Variants in KLHDC1 observed in about 807,000 individuals in gnomAD.
KLHDC1 encodes kelch domain-containing protein 1.
A neutral mutation model predicts 68.3 loss-of-function variants in KLHDC1; 53 were observed. The ratio of observed to expected loss-of-function variants is 0.78; its 90% CI spans 0.62 to 0.98. KLHDC1 has a LOEUF of 0.98. Ranked by LOEUF, KLHDC1 falls within the 50% of genes least tolerant of loss-of-function variation. KLHDC1 has a pLI of 0.00. For missense variants in KLHDC1, 470 were observed against 492.3 expected (o/e 0.95, Z 0.43); for synonymous variants, 148 against 159.0 (o/e 0.93, Z 0.52).
chr14:49,734,571 A>G lies in KLHDC1; in HGVS notation c.824-18A>G. ...CCAGAGACCTAATCTTAATTTCTGA[A>G]CTGTCATGATATTGCAGGTGATGGT... is the stretch of plus-strand genomic sequence containing the variant. On this transcript the variant is annotated intron_variant, in intron 9 of 12. Transcript: ENST00000359332. 3 of 1,485,020 alleles carry G rather than the reference A, an allele frequency of 2.0e-6. No homozygotes were observed. Among genetic ancestry groups the G allele is most frequent in the South Asian group, 2.6e-5 (2 of 77,572 alleles). The allele number at this position is 1,485,020 out of a possible 1,614,324, so 92.0% of individuals were successfully genotyped here. A position where few individuals can be genotyped will look rare whatever the true frequency, so the allele number is the denominator to read the frequency against.
chr14:49,743,747 G>C lies in KLHDC1; in HGVS notation c.982-6G>C. On this transcript the variant is annotated splice_region_variant and splice_polypyrimidine_tract_variant and intron_variant, in intron 11 of 12. Transcript: ENST00000359332. ...AACTTAATAATGCCTTTTTTGTGTTGATTAGGGTCACTGTAATGATTTATT... is the reference window on the plus strand; with the variant it reads ...AACTTAATAATGCCTTTTTTGTGTTCATTAGGGTCACTGTAATGATTTATT... 6.4e-7 allele frequency: 1 copy of C among 1,569,924 alleles called. No individual in the cohort carries two copies. The highest frequency in any genetic ancestry group is 8.7e-7 in the Non-Finnish European group (1 of 1,147,990).
Position 49,715,368 on chromosome 14 carries a change from G to A in KLHDC1, c.404+4987G>A, listed in dbSNP as rs373994478. Among the ~76,000 whole-genome samples, 18 of 151,552 alleles carry A rather than the reference G, an allele frequency of 1.2e-4. No individual in the cohort carries two copies. The East Asian group carries it at 1.6e-3, about 13-fold the overall frequency. On this transcript the variant is annotated intron_variant, in intron 4 of 12. Transcript: ENST00000359332. ...GATCTCTTGACCTCATGATCTGACC[G>A]CCTCAGCCTCCCAAAGTGCTGGGAT...
intron 1 of KLHDC1, chr14:49,708,671 G>C (rs1434111374): frequency 2.0e-5 from 3 of 153,268 alleles, no homozygotes. Context: ...CTTGCATATA[G>C]TAGGCACTCA....
chr14:49,703,766 A>C (rs185222152), intron 1 of KLHDC1, among the ~76,000 whole-genome samples: 86 of 152,308 alleles, frequency 5.6e-4, no homozygotes, highest in African/African-American at 1.9e-3. Flanking sequence ...CCAGTTGTTA[A>C]ATAATTTGAA....
At chr14:49,703,988 AT>A (rs1222619881) in intron 1 of KLHDC1, among the ~76,000 whole-genome samples, 4 of 152,224 alleles carry the variant, frequency 2.6e-5, no homozygotes, top group Non-Finnish European at 5.9e-5. Flanking sequence ...GAAATGTTGG[AT>A]CACTTGATAT....
chr14:49,751,607 T>G lies in KLHDC1; in HGVS notation c.1056T>G (p.Gly352=), dbSNP rs1437769735. The G allele has an allele frequency of 1.9e-6, 3 of 1,570,172 alleles. No individual in the cohort carries two copies. Among genetic ancestry groups the G allele is most frequent in the African/African-American group, 2.7e-5 (2 of 73,368 alleles). Reference sequence around the variant, plus strand: ...ACAGGTCATGCCTTGACTGCATTGGTAAAAATTCTATCATGTTAGAAAGTC... The same window carrying G: ...ACAGGTCATGCCTTGACTGCATTGGGAAAAATTCTATCATGTTAGAAAGTC... ...SLLRSCLDCI[G]KNSIMLESQI... is the part of the protein sequence containing the mutation. The change falls in exon 13 of 13, where the codon GGT becomes GGG. Residue 352 remains glycine, a synonymous_variant. Coordinates refer to ENST00000359332, the MANE Select transcript of KLHDC1 (RefSeq NM_172193.3).
chr14:49,751,723 T>A lies in KLHDC1; in HGVS notation c.1172T>A (p.Val391Asp). 1 of 1,598,290 alleles carries A rather than the reference T, an allele frequency of 6.3e-7. No individual in the cohort carries two copies. Among genetic ancestry groups the A allele is most frequent in the African/African-American group, 1.4e-5 (1 of 74,002 alleles). ...AAANHREEQRVQKEETENKYQ... is the reference protein window; with the variant it reads ...AAANHREEQRDQKEETENKYQ... ...GCTAATCACCGAGAAGAACAAAGAG[T>A]CCAAAAAGAAGAAACAGAAAATAAA... The change falls in exon 13 of 13, where the codon GTC (valine) becomes GAC (aspartate). Residue 391 changes from valine to aspartate, a missense_variant. Physicochemically the swap from Val to Asp is radical, Grantham distance 152. Coordinates refer to ENST00000359332, the MANE Select transcript of KLHDC1 (RefSeq NM_172193.3).
chr14:49,703,201 G>T (rs1887955409), intron 1 of KLHDC1, among the ~76,000 whole-genome samples: 2 of 151,856 alleles, frequency 1.3e-5, no homozygotes, highest in Non-Finnish European at 2.9e-5. Context: ...CTTTTATCCT[G>T]CATTGATTAC....
At chr14:49,698,872 G>A (rs1298384933) in intron 1 of KLHDC1, among the ~76,000 whole-genome samples, 1 of 151,122 alleles carries the variant, frequency 6.6e-6, no homozygotes, top group Non-Finnish European at 1.5e-5. Context: ...TAATTGATAA[G>A]ATCATACTTC....
chr14:49,745,230 C>T (rs1443888041), intron 12 of KLHDC1, among the ~76,000 whole-genome samples: 1 of 152,150 alleles, frequency 6.6e-6, no homozygotes, highest in African/African-American at 2.4e-5. Context: ...TCAAACTGGA[C>T]CTTTCTGACG....
chr14:49,709,363 T>A, intron 2 of KLHDC1, 134 bp downstream of exon 2: 2 of 501,458 alleles, frequency 4.0e-6, no homozygotes, highest in African/African-American at 2.0e-5. Context: ...TTCCTTTCAA[T>A]GCTTTTATTT....
intron 1 of KLHDC1, among the ~76,000 whole-genome samples, chr14:49,697,872 C>A (rs919708818): frequency 2.6e-5 from 4 of 152,070 alleles, no homozygotes; most frequent in Non-Finnish European, 5.9e-5. Context: ...GAAAAGGAGT[C>A]GATTAGAGTA....
At chr14:49,747,551 T>C (rs1471623937) in intron 12 of KLHDC1, among the ~76,000 whole-genome samples, 1 of 152,170 alleles carries the variant, frequency 6.6e-6, no homozygotes, top group African/African-American at 2.4e-5. Flanking sequence ...TTCTTTAAAA[T>C]AGTGGAGAAA....
At chr14:49,737,864 C>CAAAA (rs760826908) in intron 10 of KLHDC1, among the ~76,000 whole-genome samples, 5 of 50,252 alleles carry the variant, frequency 9.9e-5, no homozygotes, top group Admixed American at 4.3e-4. Flanking sequence ...GATCCTGTCT[C>CAAAA]AAAAAAAAAA....
rs769520443 is a variant in KLHDC1 at position 49,729,009 on chromosome 14, G to A, written c.651G>A (p.Leu217=). 80 of 1,604,238 alleles carry A rather than the reference G, an allele frequency of 5.0e-5. No homozygotes were observed. The highest frequency in any genetic ancestry group is 6.7e-5 in the Non-Finnish European group (78 of 1,171,420). The change falls in exon 7 of 13, where the codon CTG becomes CTA. Residue 217 remains leucine, a splice_region_variant and synonymous_variant. Coordinates refer to ENST00000359332, the MANE Select transcript of KLHDC1 (RefSeq NM_172193.3). ...GTTATATCTTTGGCGGACGTGTTCT[G>A]GTTAGTGTTTTTAATGGAAATGGTA... ...NKGYIFGGRV[L]QTRMNDLHYL...
At chr14:49,701,596 T>A (rs1446927908) in intron 1 of KLHDC1, among the ~76,000 whole-genome samples, 1 of 150,178 alleles carries the variant, frequency 6.7e-6, no homozygotes, top group Non-Finnish European at 1.5e-5. Context: ...AGGGTGGAGG[T>A]TGTGGTGAGC....
chr14:49,745,424 A>C lies in KLHDC1; in HGVS notation c.1034+1619A>C, dbSNP rs117489212. Among the ~76,000 whole-genome samples, 809 of 152,310 alleles carry C rather than the reference A, an allele frequency of 5.3e-3. 5 individuals are homozygous for C. The highest frequency in any genetic ancestry group is 8.7e-3 in the Non-Finnish European group (594 of 68,020). Reference sequence around the variant, plus strand: ...GGGATCAAGAAACACTTGAGTGCCTACTTGGGAAGGCACTGTGCCATGAAA... The same window carrying C: ...GGGATCAAGAAACACTTGAGTGCCTCCTTGGGAAGGCACTGTGCCATGAAA... On this transcript the variant is annotated intron_variant, in intron 12 of 12. Coordinates refer to ENST00000359332, the MANE Select transcript of KLHDC1 (RefSeq NM_172193.3).
chr14:49,742,382 G>A (rs1292905437), intron 11 of KLHDC1, among the ~76,000 whole-genome samples: 6 of 152,126 alleles, frequency 3.9e-5, no homozygotes, highest in Non-Finnish European at 7.4e-5. Context: ...AAGAATTCCC[G>A]GGGAGGGCTG....
chr14:49,740,949 C>G (rs1025571427), intron 11 of KLHDC1, among the ~76,000 whole-genome samples: 1 of 151,822 alleles, frequency 6.6e-6, no homozygotes, highest in African/African-American at 2.4e-5. Context: ...CAAAAATGAC[C>G]CAGGTGTGGA....
Sources: allele counts gnomAD v4.1 joint callset (sites outside exome capture counted in the v4.1 genomes callset), GRCh38; gene constraint gnomAD v4.1.1; transcripts MANE v1.5; gene names NCBI Gene and HGNC (gene_info 2026-07-23, HGNC 2026-07-21).